Variants in CLDN20 observed in about 807,000 individuals in gnomAD.
The protein encoded by CLDN20 is claudin-20.
For synonymous variants in CLDN20, 104 were observed against 103.6 expected (o/e 1.00, Z -0.03); for missense variants, 258 against 267.9 (o/e 0.96, Z 0.26).
At chr6:155,268,951 AAAAAAAAAAGAAAAAAG>A (rs1199920812) in intron 1 of CLDN20, among the ~76,000 whole-genome samples, 3 of 144,756 alleles carry the variant, frequency 2.1e-5, no homozygotes, top group Non-Finnish European at 4.5e-5. Flanking sequence ...TCAATTAAAA[AAAAAAAAAAGAAAAAAG>A]AAAAAAAATT....
At chr6:155,273,614 C>T (rs1011476587) in intron 1 of CLDN20, among the ~76,000 whole-genome samples, 2 of 152,020 alleles carry the variant, frequency 1.3e-5, no homozygotes, top group Non-Finnish European at 2.9e-5. Context: ...TTTTTGCCTC[C>T]AGATACAGTG....
chr6:155,275,799 T>G lies in CLDN20; in HGVS notation c.80T>G (p.Leu27Arg), dbSNP rs754963081. 1.2e-5 allele frequency: 20 copies of G among 1,614,038 alleles called. No individual in the cohort carries two copies. Among genetic ancestry groups the G allele is most frequent in the Admixed American group, 3.3e-5 (2 of 59,998 alleles). The change falls in exon 2 of 2, where the codon CTG becomes CGG. Residue 27 changes from leucine (L) to arginine (R), a missense_variant. Transcript: ENST00000367165. Reference protein sequence around the residue: ...GVSGVLTATLLPNWKVNVDVD... With the variant: ...GVSGVLTATLRPNWKVNVDVD... ...TCTGGAGTGCTCACAGCCACTCTGC[T>G]GCCCAACTGGAAGGTGAATGTGGAT...
At chr6:155,269,325 T>TTTC (rs1583320166) in intron 1 of CLDN20, among the ~76,000 whole-genome samples, 1 of 19,756 alleles carries the variant, frequency 5.1e-5, no homozygotes, top group Non-Finnish European at 9.1e-5. Context: ...TTTTCTTTTC[T>TTTC]TTTTTTTTTT....
At position 155,276,340 on chromosome 6, in the gene CLDN20, C is replaced by G. The variant is rs149570827; in HGVS notation, c.621C>G (p.Leu207=). The G allele has an allele frequency of 6.2e-7, 1 of 1,613,290 alleles. No individual in the cohort carries two copies. Among genetic ancestry groups the G allele is most frequent in the Non-Finnish European group, 8.5e-7 (1 of 1,179,986 alleles). ...AGCAGCCTATCTCTAACACACAGCT[C>G]GAGAACAATTCCACACACAATCTGA... ...PTQQPISNTQ[L]ENNSTHNLKD... The change falls in exon 2 of 2, where the codon CTC becomes CTG. Residue 207 remains leucine, a synonymous_variant. Transcript: ENST00000367165.
chr6:155,269,324 C>CTTTTTTTTTTTTTTTTTT (rs60162262), intron 1 of CLDN20, among the ~76,000 whole-genome samples: 16 of 127,262 alleles, frequency 1.3e-4, no homozygotes, highest in Non-Finnish European at 1.6e-4. Context: ...CTTTTCTTTT[C>CTTTTTTTTTTTTTTTTTT]TTTTTTTTTT....
intron 1 of CLDN20, among the ~76,000 whole-genome samples, chr6:155,269,625 T>C (rs1201057738): frequency 2.0e-5 from 3 of 152,284 alleles, no homozygotes; most frequent in Admixed American, 6.5e-5. Context: ...CCCGGCCAGT[T>C]TTCTTGTCTA....
At position 155,275,817 on chromosome 6, in the gene CLDN20, A is replaced by G. The variant is rs1402348316; in HGVS notation, c.98A>G (p.Asn33Ser). 3.1e-6 allele frequency: 5 copies of G among 1,613,938 alleles called. No individual in the cohort carries two copies. The highest frequency in any genetic ancestry group is 3.4e-6 in the Non-Finnish European group (4 of 1,179,998). Residue 33 changes from asparagine (N) to serine (S), a missense_variant, in exon 2 of 2, where the codon AAT (asparagine) becomes AGT (serine). Asn to Ser is a conservative substitution (Grantham distance 46). Transcript: ENST00000367165. ...TATLLPNWKVNVDVDSNIITA... is the reference protein window; with the variant it reads ...TATLLPNWKVSVDVDSNIITA... Reference sequence around the variant, plus strand: ...ACTCTGCTGCCCAACTGGAAGGTGAATGTGGATGTGGACTCCAACATCATA... The same window carrying G: ...ACTCTGCTGCCCAACTGGAAGGTGAGTGTGGATGTGGACTCCAACATCATA...
intron 1 of CLDN20, among the ~76,000 whole-genome samples, chr6:155,269,321 TTTC>T (rs1311134317): frequency 2.2e-5 from 2 of 91,584 alleles, no homozygotes; most frequent in African/African-American, 9.1e-5. Context: ...TTTCTTTTCT[TTTC>T]TTTTTTTTTT....
intron 1 of CLDN20, among the ~76,000 whole-genome samples, chr6:155,266,970 CTTT>C (rs375412255): frequency 5.5e-5 from 7 of 127,322 alleles, no homozygotes; most frequent in Non-Finnish European, 8.2e-5. Flanking sequence ...ACTTTGCTGC[CTTT>C]TTTTTTTTTT....
At position 155,274,559 on chromosome 6, in the gene CLDN20, G is replaced by A. The variant is rs185683142; in HGVS notation, c.-104-1057G>A. ...GAATAGCCGGCTTCATTTGGGCCAGGAAATGATTCTGGTCCCAATTAGAAA... is the reference window on the plus strand; with the variant it reads ...GAATAGCCGGCTTCATTTGGGCCAGAAAATGATTCTGGTCCCAATTAGAAA... On this transcript the variant is annotated intron_variant, in intron 1 of 1. Coordinates refer to ENST00000367165, the MANE Select transcript of CLDN20 (RefSeq NM_001001346.3). 1.2e-4 allele frequency among the ~76,000 whole-genome samples: 18 copies of A among 152,342 alleles called. No homozygotes were observed. The East Asian group carries it at 2.5e-3, about 21-fold the overall frequency.
chr6:155,275,521 G>A, intron 1 of CLDN20, 95 bp from the exon 2 acceptor site: 2 of 562,458 alleles, frequency 3.6e-6, no homozygotes, highest in South Asian at 4.6e-5. Context: ...GGAGAAGGGG[G>A]ATACTCAGAT....
intron 1 of CLDN20, among the ~76,000 whole-genome samples, chr6:155,274,931 C>T (rs1221017120): frequency 6.6e-6 from 1 of 152,166 alleles, no homozygotes; most frequent in African/African-American, 2.4e-5. Flanking sequence ...AAAATAAAAT[C>T]ATTTGGGCGA....
intron 1 of CLDN20, among the ~76,000 whole-genome samples, 168 bp from the exon 2 acceptor site, chr6:155,275,448 T>C (rs1002327942): frequency 1.3e-5 from 2 of 152,126 alleles, no homozygotes; most frequent in Non-Finnish European, 2.9e-5. Flanking sequence ...CTCAGACCAG[T>C]CTTCAAGGCC....
chr6:155,270,688 G>A (rs911947399), intron 1 of CLDN20, among the ~76,000 whole-genome samples: 9 of 152,162 alleles, frequency 5.9e-5, no homozygotes, highest in Admixed American at 5.9e-4. Flanking sequence ...AGAGGTTAGA[G>A]TGGGGAGCAG....
chr6:155,265,478 T>A (rs1784587271), intron 1 of CLDN20, among the ~76,000 whole-genome samples: 1 of 146,100 alleles, frequency 6.8e-6, no homozygotes, highest in African/African-American at 2.6e-5. Flanking sequence ...TCATAGCTGA[T>A]ACTGTTAATT....
chr6:155,275,604 T>A lies in CLDN20; in HGVS notation c.-104-12T>A. ...TCTTTCGCTCAATCCTGGTTTTGCCTTTTTTCCTTAGGCTTTGTTATTTGG... is the reference window on the plus strand; with the variant it reads ...TCTTTCGCTCAATCCTGGTTTTGCCATTTTTCCTTAGGCTTTGTTATTTGG... On this transcript the variant is annotated splice_polypyrimidine_tract_variant and intron_variant, in intron 1 of 1. Coordinates refer to ENST00000367165, the MANE Select transcript of CLDN20 (RefSeq NM_001001346.3). 1 of 1,117,680 alleles carries A rather than the reference T, an allele frequency of 8.9e-7. No homozygotes were observed. Among genetic ancestry groups the A allele is most frequent in the Non-Finnish European group, 1.3e-6 (1 of 777,700 alleles). 69.2% of individuals were successfully genotyped at this position (1,117,680 alleles called of 1,614,324 possible).
In CLDN20 at chr6:155,276,175, T is replaced by G. The variant is rs760480130; in HGVS notation, c.456T>G (p.Val152=). Residue 152 remains valine, a synonymous_variant, in exon 2 of 2, where the codon GTT becomes GTG. Transcript: ENST00000367165. ...TAGCAAACTTTCTGGATCTGACAGT[T>G]CCAGAAAGCAACAAACATGAACCTG... ...EIIANFLDLT[V]PESNKHEPGG... is the part of the protein sequence containing the mutation. 2.0e-5 allele frequency: 32 copies of G among 1,614,020 alleles called. No homozygotes were observed. The highest frequency in any genetic ancestry group is 3.3e-4 in the Middle Eastern group (2 of 6,084).
At chr6:155,271,722 CATAAA>C in intron 1 of CLDN20, among the ~76,000 whole-genome samples, 1 of 152,180 alleles carries the variant, frequency 6.6e-6, no homozygotes, top group Middle Eastern at 3.4e-3. Context: ...GAACTGAGGA[CATAAA>C]ATAATACATT....
intron 1 of CLDN20, among the ~76,000 whole-genome samples, chr6:155,266,970 CTTTT>C (rs375412255): frequency 1.6e-5 from 2 of 127,352 alleles, no homozygotes. Flanking sequence ...ACTTTGCTGC[CTTTT>C]TTTTTTTTTT....
Sources: allele counts gnomAD v4.1 joint callset (sites outside exome capture counted in the v4.1 genomes callset), GRCh38; gene constraint gnomAD v4.1.1; transcripts MANE v1.5; gene names NCBI Gene and HGNC (gene_info 2026-07-23, HGNC 2026-07-21).